The following SCN1A variants were observed in gnomAD, a reference collection of about 807,000 sequenced individuals.
SCN1A encodes sodium channel protein type 1 subunit alpha.
In SCN1A, 13 loss-of-function variants were observed where a neutral mutation model predicts 193.7. The ratio of observed to expected loss-of-function variants is 0.07; its 90% CI spans 0.04 to 0.11. SCN1A has a LOEUF of 0.11. Ranked by LOEUF, SCN1A falls within the 10% of genes least tolerant of loss-of-function variation. The pLI, the probability that SCN1A is intolerant of heterozygous loss-of-function variation, is 1.00. For synonymous variants in SCN1A, 781 were observed against 843.6 expected, an observed-to-expected ratio of 0.93 and a Z score of 1.29; for missense variants, 1,432 against 2,451.1, an observed-to-expected ratio of 0.58 and a Z score of 8.78.
rs1574233422 is a variant in SCN1A at position 166,046,785 on chromosome 2, T to C, written c.1362A>G (p.Gln454=). The C allele has an allele frequency of 6.2e-7, 1 of 1,613,690 alleles. No individual in the cohort carries two copies. ...FQQMIEQLKK[Q]QEAAQQAATA... The stretch of plus-strand genomic sequence containing the variant: ...GCAGCTTTACCTGAGCTGCCTCCTG[T>C]TGCTTTTTAAGCTGTTCAATCATCT... Residue 454 remains glutamine, a synonymous_variant, in exon 12 of 29, where the codon CAA becomes CAG. Transcript: ENST00000674923.
chr2:165,996,319 T>TATA, intron 26 of SCN1A: 1 of 415,960 alleles, frequency 2.4e-6, no homozygotes, highest in Non-Finnish European at 4.4e-6. Context: ...CAAAATTGAC[T>TATA]TTATTATTAT....
At chr2:166,043,569 A>AC in intron 14 of SCN1A, 100 bp downstream of exon 14, 3 of 1,358,848 alleles carry the variant, frequency 2.2e-6, no homozygotes, top group Non-Finnish European at 3.0e-6. Context: ...TCACAGCGTG[A>AC]CCAACCAGGA....
At chr2:166,044,489 C>T (rs556288257) in intron 13 of SCN1A, among the ~76,000 whole-genome samples, 1 of 152,230 alleles carries the variant, frequency 6.6e-6, no homozygotes, top group Non-Finnish European at 1.5e-5. Context: ...CTTTAGTCCA[C>T]CTTTCTAAAA....
At chr2:166,055,199 T>A (rs921709867) in intron 6 of SCN1A, among the ~76,000 whole-genome samples, 31 of 151,562 alleles carry the variant, frequency 2.0e-4, no homozygotes, top group African/African-American at 7.2e-4. Context: ...CGTGTTTTTT[T>A]TTTTCTACAA....
chr2:166,012,707 G>T (rs561601956), intron 21 of SCN1A, among the ~76,000 whole-genome samples: 1 of 143,032 alleles, frequency 7.0e-6, no homozygotes, highest in East Asian at 2.1e-4. Context: ...ATTGATCTTC[G>T]CAGTCTCCAA....
In SCN1A at chr2:165,987,999, G is replaced by A. The variant is rs945860665; in HGVS notation, c.*3246C>T. On this transcript the variant is annotated 3_prime_UTR_variant, in exon 29 of 29. Coordinates refer to ENST00000674923, the MANE Select transcript of SCN1A (RefSeq NM_001165963.4). ...TATGAAGAGGCAAAGTCAGTCCATT[G>A]TACAAGGATGGGAAAAGCCTTTTAA... 1.3e-5 allele frequency: 2 copies of A among 152,122 alleles called. No homozygotes were observed. Among genetic ancestry groups the A allele is most frequent in the Admixed American group, 1.3e-4 (2 of 15,260 alleles). The allele number at this position is 152,122 out of a possible 1,614,324, so 9.4% of individuals were successfully genotyped here.
chr2:166,008,843 A>AT (rs926281283), intron 23 of SCN1A, among the ~76,000 whole-genome samples: 5 of 143,452 alleles, frequency 3.5e-5, no homozygotes, highest in African/African-American at 7.4e-5. Context: ...TTTTGATAAT[A>AT]TTTTTTTTTA....
chr2:166,030,202 G>T (rs1221719463), intron 19 of SCN1A, among the ~76,000 whole-genome samples: 5 of 152,192 alleles, frequency 3.3e-5, no homozygotes, highest in Non-Finnish European at 5.9e-5. Flanking sequence ...CTATGGAGCA[G>T]ACTGCCAGGA....
intron 26 of SCN1A, among the ~76,000 whole-genome samples, chr2:165,997,134 T>A (rs536032127): frequency 4.0e-5 from 6 of 151,324 alleles, no homozygotes; most frequent in Non-Finnish European, 8.9e-5. Flanking sequence ...CAGGAAATAA[T>A]TAAAGCCTTA....
chr2:166,102,905 G>T lies in SCN1A; in HGVS notation c.-142+24019C>A, dbSNP rs114370614. On this transcript the variant is annotated intron_variant, in intron 2 of 28. Transcript: ENST00000674923. ...AAAAGCATGTCCTTTGAAGCAACAT[G>T]GGTGCTTCAGAGAAAATACCATTCA... 4.0e-3 allele frequency among the ~76,000 whole-genome samples: 613 copies of T among 152,218 alleles called. 7 individuals carry two copies. Among genetic ancestry groups the T allele is most frequent in the African/African-American group, 0.013 (552 of 41,528 alleles).
At chr2:166,145,111 C>A (rs1375509577) in intron 1 of SCN1A, among the ~76,000 whole-genome samples, 2 of 148,368 alleles carry the variant, frequency 1.3e-5, no homozygotes, top group Non-Finnish European at 3.0e-5. Context: ...GTTGGGATTA[C>A]AGGCGTGAGC....
chr2:166,026,696 TTTTTTGAGACTGAGTCTTGCTCTGTCGC>T, intron 19 of SCN1A, among the ~76,000 whole-genome samples: 1 of 140,400 alleles, frequency 7.1e-6, no homozygotes, highest in Non-Finnish European at 1.6e-5. Context: ...TTTTTTTTTT[TTTTTTGAGACTGAGTCTTGCTCTGTCGC>T]TCAGGCTGGA....
intron 4 of SCN1A, among the ~76,000 whole-genome samples, chr2:166,065,300 T>C (rs1683717443): frequency 6.6e-6 from 1 of 152,126 alleles, no homozygotes; most frequent in Non-Finnish European, 1.5e-5. Flanking sequence ...GGGGGAGAAT[T>C]AGAGCCATGT....
Position 166,118,517 on chromosome 2 carries a change from C to G in SCN1A, c.-142+8407G>C, listed in dbSNP as rs543792878. On this transcript the variant is annotated intron_variant, in intron 2 of 28. Coordinates refer to ENST00000674923, the MANE Select transcript of SCN1A (RefSeq NM_001165963.4). ...CACAGACTCCTCAAATCACCTGAAA[C>G]CTGAAATGCTGAGGCCCAGGTGGCA... 3.3e-5 allele frequency among the ~76,000 whole-genome samples: 5 copies of G among 151,752 alleles called. No homozygotes were observed. In the South Asian group the frequency reaches 1.0e-3, roughly 32 times the overall value.
rs763021108 is a variant in SCN1A at position 165,997,093 on chromosome 2, A to T, written c.4476+945T>A. 1.8e-4 allele frequency among the ~76,000 whole-genome samples: 28 copies of T among 151,430 alleles called. 2 individuals are homozygous for T. Among genetic ancestry groups the T allele is most frequent in the South Asian group, 1.4e-3 (7 of 4,830 alleles). Reference sequence around the variant, plus strand: ...TTGAGTAGTTATATTACTCTAGGGGAGTAAAATACTTCATTGTGGGAATTT... The same window carrying T: ...TTGAGTAGTTATATTACTCTAGGGGTGTAAAATACTTCATTGTGGGAATTT... On this transcript the variant is annotated intron_variant, in intron 26 of 28. Coordinates refer to ENST00000674923, the MANE Select transcript of SCN1A (RefSeq NM_001165963.4).
intron 19 of SCN1A, among the ~76,000 whole-genome samples, chr2:166,033,973 T>TTATAAA (rs58050507): frequency 0.74 from 111,459 of 151,372 alleles, 41,407 homozygotes; most frequent in East Asian, 0.89. Flanking sequence ...AGAAACAATT[T>TTATAAA]TATAAAGACA....
rs1333391114 is a variant in SCN1A at position 165,987,500 on chromosome 2, A to G, written c.*3745T>C. Reference sequence around the variant, plus strand: ...AAATAGTGATTTTTCTAACTCCGTTATTTCTTCTACAATTGTTAATTAACA... The same window carrying G: ...AAATAGTGATTTTTCTAACTCCGTTGTTTCTTCTACAATTGTTAATTAACA... On this transcript the variant is annotated 3_prime_UTR_variant, in exon 29 of 29. Transcript: ENST00000674923. 1.3e-5 allele frequency: 2 copies of G among 152,148 alleles called. No individual in the cohort carries two copies. The highest frequency in any genetic ancestry group is 2.9e-5 in the Non-Finnish European group (2 of 68,006). 9.4% of individuals were successfully genotyped at this position (152,148 alleles called of 1,614,324 possible).
At position 166,136,892 on chromosome 2, in the gene SCN1A, C is replaced by T. The variant is rs1008055452; in HGVS notation, c.-50+12155G>A. ...AGGAAGTGAGGTGTGGTCGGGGAGACTCTCCAATTTTCTGCTAATGCCTGT... is the reference window on the plus strand; with the variant it reads ...AGGAAGTGAGGTGTGGTCGGGGAGATTCTCCAATTTTCTGCTAATGCCTGT... On this transcript the variant is annotated intron_variant, in intron 1 of 26. Coordinates refer to the SCN1A transcript ENST00000635750. Among the ~76,000 whole-genome samples, 22 of 152,266 alleles carry T rather than the reference C, an allele frequency of 1.4e-4. No homozygotes were observed. In the East Asian group the frequency reaches 1.7e-3, roughly 12 times the overall value.
intron 19 of SCN1A, among the ~76,000 whole-genome samples, chr2:166,031,869 C>T (rs1695605622): frequency 2.0e-5 from 3 of 152,118 alleles, no homozygotes; most frequent in African/African-American, 4.8e-5. Flanking sequence ...TAAAGTCACA[C>T]AGTAAGCGGC....
Sources: gnomAD v4.1 joint callset for allele counts (sites outside exome capture counted in the v4.1 genomes callset) on GRCh38, gnomAD v4.1.1 for gene constraint, MANE v1.5 for transcripts, NCBI Gene and HGNC (gene_info 2026-07-23, HGNC 2026-07-21) for gene names.